The following AGTPBP1 variants were observed in gnomAD, a reference collection of about 807,000 sequenced individuals.
AGTPBP1 encodes the protein cytosolic carboxypeptidase 1.
In AGTPBP1, 70 loss-of-function variants were observed where a neutral mutation model predicts 143.9. That is an observed-to-expected ratio of 0.49 (90% CI 0.40 to 0.59). AGTPBP1 has a LOEUF of 0.59. Among genes scored for constraint, AGTPBP1 ranks in the 20% least tolerant of loss-of-function variants. AGTPBP1 has a pLI of 0.00. For missense variants in AGTPBP1, 1,229 were observed against 1,464.5 expected (o/e 0.84, Z 2.62); for synonymous variants, 463 against 500.2 (o/e 0.93, Z 0.99).
At chr9:85,629,291 A>G (rs1223176255) in intron 14 of AGTPBP1, among the ~76,000 whole-genome samples, 2 of 152,250 alleles carry the variant, frequency 1.3e-5, no homozygotes, top group Non-Finnish European at 2.9e-5. Context: ...ATATGGAAGA[A>G]GCTGGACTCT....
intron 25 of AGTPBP1, among the ~76,000 whole-genome samples, chr9:85,568,088 G>C (rs544333032): frequency 3.9e-5 from 6 of 152,292 alleles, no homozygotes; most frequent in Non-Finnish European, 8.8e-5. Flanking sequence ...GGGTGACAAA[G>C]AGACTGATCT....
At chr9:85,584,795 T>C (rs1031108888) in intron 23 of AGTPBP1, among the ~76,000 whole-genome samples, 5 of 152,210 alleles carry the variant, frequency 3.3e-5, no homozygotes, top group Non-Finnish European at 2.9e-5. Flanking sequence ...TGAAGAAATC[T>C]AACAAACATT....
chr9:85,633,442 A>C, intron 13 of AGTPBP1, 68 bp from the exon 14 acceptor site: 1 of 1,199,528 alleles, frequency 8.3e-7, no homozygotes, highest in Non-Finnish European at 1.1e-6. Flanking sequence ...AAACTAATAC[A>C]TTCATGTTAT....
At chr9:85,790,585 T>A in the AGTPBP1 span, among the ~76,000 whole-genome samples, 1 of 152,204 alleles carries the variant, frequency 6.6e-6, no homozygotes, top group Non-Finnish European at 1.5e-5. Flanking sequence ...GTTGATGTTA[T>A]AATGATGGCT....
At chr9:85,697,987 T>C (rs138380196) in intron 2 of AGTPBP1, among the ~76,000 whole-genome samples, 2,579 of 152,282 alleles carry the variant, frequency 0.017, 36 homozygotes, top group African/African-American at 0.037. Flanking sequence ...TTTAAAAATT[T>C]CTGTAACCCA....
At chr9:85,740,637 GAAT>G (rs1353205430) in intron 1 of AGTPBP1, among the ~76,000 whole-genome samples, 2 of 152,094 alleles carry the variant, frequency 1.3e-5, no homozygotes, top group Admixed American at 1.3e-4. Context: ...CAGTTTATAA[GAAT>G]AATTCAGAAG....
intron 3 of AGTPBP1, among the ~76,000 whole-genome samples, chr9:85,690,378 C>T (rs1014364153): frequency 2.0e-5 from 3 of 152,320 alleles, no homozygotes; most frequent in Admixed American, 2.0e-4. Context: ...CTATATTATA[C>T]ACCCCAAGGG....
At chr9:85,773,469 G>A in the AGTPBP1 span, among the ~76,000 whole-genome samples, 1 of 150,482 alleles carries the variant, frequency 6.6e-6, no homozygotes, top group African/African-American at 2.4e-5. Flanking sequence ...AAGTAGCTGG[G>A]ATTACAGGTG....
chr9:85,546,791 A>G lies in AGTPBP1; in HGVS notation c.*318T>C, dbSNP rs1825766345. Reference sequence around the variant, plus strand: ...AATTTTATATTCTGAACACACTTCAAAATTATCCACTTGATGCAGGATATA... The same window carrying G: ...AATTTTATATTCTGAACACACTTCAGAATTATCCACTTGATGCAGGATATA... On this transcript the variant is annotated 3_prime_UTR_variant, in exon 26 of 26. Transcript: ENST00000357081. 5.6e-6 allele frequency: 1 copy of G among 177,256 alleles called. No individual in the cohort carries two copies. Among genetic ancestry groups the G allele is most frequent in the African/African-American group, 2.4e-5 (1 of 42,516 alleles). The allele number at this position is 177,256 out of a possible 1,614,324, so 11.0% of individuals were successfully genotyped here. A position where few individuals can be genotyped will look rare whatever the true frequency, so the allele number is the denominator to read the frequency against.
chr9:85,802,223 C>A, the AGTPBP1 span, among the ~76,000 whole-genome samples: 5 of 151,886 alleles, frequency 3.3e-5, no homozygotes, highest in Admixed American at 2.6e-4. Flanking sequence ...ATCAAAAACA[C>A]CAATTCAGTC....
the AGTPBP1 span, chr9:85,770,373 G>T: frequency 6.2e-7 from 1 of 1,606,096 alleles, no homozygotes; most frequent in South Asian, 1.1e-5. Flanking sequence ...AGAATTGCCA[G>T]AAGTCACTTA....
the AGTPBP1 span, among the ~76,000 whole-genome samples, chr9:85,759,724 G>C: frequency 6.6e-6 from 1 of 152,086 alleles, no homozygotes; most frequent in African/African-American, 2.4e-5. Context: ...AGAGAAGCAA[G>C]AGCAAACACA....
intron 1 of AGTPBP1, among the ~76,000 whole-genome samples, chr9:85,734,381 G>A (rs1484614656): frequency 6.6e-6 from 1 of 150,752 alleles, no homozygotes; most frequent in Non-Finnish European, 1.5e-5. Flanking sequence ...AAGTGAAGAA[G>A]GAACGCTTCC....
chr9:85,581,032 TA>T (rs1174574916), intron 23 of AGTPBP1, among the ~76,000 whole-genome samples: 1 of 152,232 alleles, frequency 6.6e-6, no homozygotes, highest in Non-Finnish European at 1.5e-5. Flanking sequence ...TAGGAAAAGA[TA>T]ACTTTCACTT....
intron 1 of AGTPBP1, among the ~76,000 whole-genome samples, chr9:85,720,206 C>T (rs1242842809): frequency 2.0e-5 from 3 of 152,162 alleles, no homozygotes; most frequent in African/African-American, 7.2e-5. Flanking sequence ...CCCTCTTTTT[C>T]TATTGATTGG....
At chr9:85,735,936 G>A (rs912915192) in intron 1 of AGTPBP1, among the ~76,000 whole-genome samples, 4 of 152,098 alleles carry the variant, frequency 2.6e-5, no homozygotes, top group Admixed American at 2.6e-4. Context: ...AAGGAAAAAT[G>A]TGAGGCAAAG....
the AGTPBP1 span, among the ~76,000 whole-genome samples, chr9:85,751,678 G>A: frequency 1.3e-5 from 2 of 152,162 alleles, no homozygotes; most frequent in East Asian, 2.0e-4. Context: ...GCAGTGGCGC[G>A]ATCTCAGCTC....
At chr9:85,619,690 T>A (rs1193025406) in intron 15 of AGTPBP1, among the ~76,000 whole-genome samples, 1 of 152,246 alleles carries the variant, frequency 6.6e-6, no homozygotes, top group Admixed American at 6.5e-5. Context: ...AAGAGCTAAA[T>A]TACCTATTAT....
At chr9:85,612,106 A>T (rs1308275657) in intron 17 of AGTPBP1, among the ~76,000 whole-genome samples, 1 of 152,144 alleles carries the variant, frequency 6.6e-6, no homozygotes, top group Non-Finnish European at 1.5e-5. Context: ...CTTTTGTTCT[A>T]ATATTTGGTC....
Sources: gnomAD v4.1 joint callset for allele counts (sites outside exome capture counted in the v4.1 genomes callset) on GRCh38, gnomAD v4.1.1 for gene constraint, MANE v1.5 for transcripts, NCBI Gene and HGNC (gene_info 2026-07-23, HGNC 2026-07-21) for gene names.